KIAA0930: variants seen among roughly 807,000 people sequenced by gnomAD.
KIAA0930 encodes uncharacterized protein KIAA0930.
Under a neutral mutation model 43.9 loss-of-function variants are expected in KIAA0930, and 24 were observed. The ratio of observed to expected loss-of-function variants is 0.55; its 90% confidence interval spans 0.40 to 0.77. The LOEUF (loss-of-function observed/expected upper bound fraction) is 0.77, where lower values mean the gene tolerates loss of function less well. Among genes scored for constraint, KIAA0930 ranks in the 30% least tolerant of loss-of-function variants. The pLI is 0.00. For missense variants in KIAA0930, 461 were observed against 574.2 expected (o/e 0.80, Z 2.02); for synonymous variants, 259 against 216.4 (o/e 1.20, Z -1.73).
In KIAA0930 at chr22:45,194,050, A is replaced by ATTTTTTTTTTTTTTTTTTTTTTTTT; in HGVS notation, c.*3125_*3126insAAAAAAAAAAAAAAAAAAAAAAAAA. On this transcript the variant is annotated 3_prime_UTR_variant, in exon 10 of 10. Transcript: ENST00000336156. ...GGGGTTTGGGTTTAAAGACCAATGT[A>ATTTTTTTTTTTTTTTTTTTTTTTTT]TCTTTTTTTTTTTTTTTTTTTTTTT... The ATTTTTTTTTTTTTTTTTTTTTTTTT allele has an allele frequency of 2.4e-5, 1 of 41,634 alleles. No individual in the cohort carries two copies. Among genetic ancestry groups the ATTTTTTTTTTTTTTTTTTTTTTTTT allele is most frequent in the East Asian group, 8.6e-4 (1 of 1,158 alleles). The allele number at this position is 41,634 out of a possible 1,614,324, so 2.6% of individuals were successfully genotyped here.
chr22:45,213,190 C>T, intron 1 of KIAA0930: 1 of 717,672 alleles, frequency 1.4e-6, no homozygotes, highest in African/African-American at 1.8e-5. Flanking sequence ...CAGAACACCC[C>T]AGCCTTGGTT....
chr22:45,220,868 A>C (rs1019155197), intron 1 of KIAA0930, among the ~76,000 whole-genome samples: 1 of 152,260 alleles, frequency 6.6e-6, no homozygotes, highest in African/African-American at 2.4e-5. Context: ...CGTGTGAGCC[A>C]CTGTGCCCGG....
chr22:45,216,888 C>A (rs986095913), intron 1 of KIAA0930, among the ~76,000 whole-genome samples: 1 of 152,140 alleles, frequency 6.6e-6, no homozygotes, highest in Non-Finnish European at 1.5e-5. Context: ...CCTTCCCTCC[C>A]GGGGTCCTAT....
intron 7 of KIAA0930, chr22:45,200,914 G>A (rs746909804): frequency 4.2e-6 from 2 of 477,396 alleles, no homozygotes; most frequent in Non-Finnish European, 4.4e-6. Context: ...TGGAGGAGAT[G>A]CCGCTGGAGC....
intron 1 of KIAA0930, among the ~76,000 whole-genome samples, chr22:45,239,830 G>A (rs988765601): frequency 3.9e-5 from 6 of 152,030 alleles, no homozygotes; most frequent in African/African-American, 1.4e-4. Flanking sequence ...AGGAGGGAGG[G>A]GTCTTTTCCA....
intron 1 of KIAA0930, among the ~76,000 whole-genome samples, chr22:45,234,759 G>A (rs763496302): frequency 2.0e-5 from 3 of 152,222 alleles, no homozygotes; most frequent in Non-Finnish European, 4.4e-5. Flanking sequence ...TCACGGCATT[G>A]CCCACCCAAC....
chr22:45,225,167 G>A (rs1292018465), intron 1 of KIAA0930, among the ~76,000 whole-genome samples: 2 of 152,050 alleles, frequency 1.3e-5, no homozygotes, highest in Non-Finnish European at 2.9e-5. Flanking sequence ...GGCTGAATGG[G>A]CTTCTGTGGC....
intron 7 of KIAA0930, among the ~76,000 whole-genome samples, chr22:45,202,159 G>T (rs1478402193): frequency 3.3e-5 from 5 of 152,244 alleles, no homozygotes; most frequent in Non-Finnish European, 5.9e-5. Flanking sequence ...CCCTGGACCT[G>T]TGCCAAGGGC....
chr22:45,203,372 C>T (rs1198999193), intron 6 of KIAA0930, among the ~76,000 whole-genome samples, 188 bp from the exon 7 acceptor site: 1 of 152,168 alleles, frequency 6.6e-6, no homozygotes, highest in Non-Finnish European at 1.5e-5. Flanking sequence ...CCTCCTGGTG[C>T]CCCTCCCACC....
At chr22:45,201,674 C>G (rs1346955116) in intron 7 of KIAA0930, among the ~76,000 whole-genome samples, 1 of 152,138 alleles carries the variant, frequency 6.6e-6, no homozygotes, top group Non-Finnish European at 1.5e-5. Context: ...GCCTGGAATT[C>G]TCACCCATCT....
intron 1 of KIAA0930, among the ~76,000 whole-genome samples, chr22:45,225,538 C>T (rs2083793775): frequency 6.6e-6 from 1 of 152,180 alleles, no homozygotes; most frequent in South Asian, 2.1e-4. Context: ...AGCCTCGGCC[C>T]TTCTTCTCTG....
intron 7 of KIAA0930, 64 bp from the exon 8 acceptor site, chr22:45,200,099 C>G (rs1282489871): frequency 6.9e-6 from 10 of 1,456,734 alleles, no homozygotes; most frequent in African/African-American, 1.5e-5. Context: ...GGTCCCAACG[C>G]CCCTCCTATC....
intron 1 of KIAA0930, among the ~76,000 whole-genome samples, chr22:45,218,759 A>G (rs1018461137): frequency 1.1e-4 from 16 of 152,094 alleles, no homozygotes; most frequent in Admixed American, 9.8e-4. Context: ...TGCAGAAACT[A>G]AGCGAACCCG....
chr22:45,208,609 C>T (rs1270161234), intron 2 of KIAA0930, among the ~76,000 whole-genome samples: 1 of 152,118 alleles, frequency 6.6e-6, no homozygotes, highest in Non-Finnish European at 1.5e-5. Context: ...GGAGGTTGAG[C>T]CCTGGGGTGG....
intron 8 of KIAA0930, 139 bp from the exon 9 acceptor site, chr22:45,198,087 C>T: frequency 2.6e-6 from 2 of 756,494 alleles, no homozygotes; most frequent in South Asian, 3.4e-5. Context: ...ACACCAGCAC[C>T]CACACGCTCC....
intron 2 of KIAA0930, among the ~76,000 whole-genome samples, chr22:45,210,037 G>C (rs1426866079): frequency 6.6e-6 from 1 of 152,046 alleles, no homozygotes; most frequent in Non-Finnish European, 1.5e-5. Context: ...GCCTATCCAG[G>C]GTGCACACAA....
At chr22:45,222,206 A>G (rs2083771523) in intron 1 of KIAA0930, among the ~76,000 whole-genome samples, 1 of 152,372 alleles carries the variant, frequency 6.6e-6, no homozygotes. Flanking sequence ...AAACTATAAA[A>G]AAGAAAAACC....
chr22:45,204,988 T>C (rs1322300970), intron 5 of KIAA0930, among the ~76,000 whole-genome samples: 1 of 152,110 alleles, frequency 6.6e-6, no homozygotes, highest in South Asian at 2.1e-4. Flanking sequence ...GTAGGACAGA[T>C]GATCATGACA....
At chr22:45,216,702 G>A (rs764963723) in intron 1 of KIAA0930, among the ~76,000 whole-genome samples, 3 of 152,054 alleles carry the variant, frequency 2.0e-5, no homozygotes, top group Non-Finnish European at 4.4e-5. Flanking sequence ...GAGCCTCGTC[G>A]TCTCCAGACT....
Sources: gnomAD v4.1 joint callset for allele counts (sites outside exome capture counted in the v4.1 genomes callset) on GRCh38, gnomAD v4.1.1 for gene constraint, MANE v1.5 for transcripts, NCBI Gene and HGNC (gene_info 2026-07-23, HGNC 2026-07-21) for gene names.